The following IFT88 variants were observed in gnomAD, a reference collection of about 807,000 sequenced individuals.
The protein encoded by IFT88 is intraflagellar transport 88.
Under a neutral mutation model 119.5 loss-of-function variants are expected in IFT88, and 74 were observed. The ratio of observed to expected loss-of-function variants is 0.62; its 90% confidence interval spans 0.51 to 0.75. IFT88 has a LOEUF of 0.75. Among genes scored for constraint, IFT88 ranks in the 30% least tolerant of loss-of-function variants. IFT88 has a pLI of 0.00. For missense variants in IFT88, 961 were observed against 977.7 expected, an observed-to-expected ratio of 0.98 and a Z score of 0.23; for synonymous variants, 279 against 316.7, an observed-to-expected ratio of 0.88 and a Z score of 1.26.
intron 14 of IFT88, among the ~76,000 whole-genome samples, chr13:20,621,526 T>TAAAAAAAAAAAAAAAAAAAAAAAAAAAAA: frequency 7.6e-6 from 1 of 130,744 alleles, no homozygotes; most frequent in Non-Finnish European, 1.6e-5. Flanking sequence ...CCTGCTGAGA[T>TAAAAAAAAAAAAAAAAAAAAAAAAAAAAA]AAAAAAAAAA....
intron 1 of IFT88, among the ~76,000 whole-genome samples, chr13:20,573,650 T>TA (rs1320921463): frequency 6.6e-6 from 1 of 152,266 alleles, no homozygotes; most frequent in Non-Finnish European, 1.5e-5. Flanking sequence ...TGTATCATTT[T>TA]ACACTCCCAT....
intron 2 of IFT88, among the ~76,000 whole-genome samples, chr13:20,576,115 G>A (rs984742676): frequency 6.6e-6 from 1 of 152,182 alleles, no homozygotes; most frequent in Non-Finnish European, 1.5e-5. Flanking sequence ...TTTCTCTGAT[G>A]GTCAATAATG....
chr13:20,657,309 T>C (rs1238624997), intron 22 of IFT88, among the ~76,000 whole-genome samples: 1 of 152,228 alleles, frequency 6.6e-6, no homozygotes, highest in Non-Finnish European at 1.5e-5. Flanking sequence ...TGAAGTATTA[T>C]GGCAGTAACA....
Position 20,580,473 on chromosome 13 carries a change from C to T in IFT88, c.91-2484C>T, listed in dbSNP as rs1331603024. On this transcript the variant is annotated intron_variant, in intron 2 of 25. Transcript: ENST00000351808. ...TGGAGGTGGCAGTGAGCCAAGATCA[C>T]GCCATTGCACAATGAGCCAAGATCA... Among the ~76,000 whole-genome samples the T allele has an allele frequency of 4.6e-5, 7 of 151,774 alleles. No individual in the cohort carries two copies. The East Asian group carries it at 6.1e-4, about 13-fold the overall frequency.
intron 3 of IFT88, among the ~76,000 whole-genome samples, chr13:20,586,298 A>G (rs1184766982): frequency 6.6e-6 from 1 of 152,216 alleles, no homozygotes; most frequent in Non-Finnish European, 1.5e-5. Context: ...TTACAGGTTC[A>G]CTTAAGAGGA....
At chr13:20,657,895 G>A (rs1386929441) in intron 22 of IFT88, among the ~76,000 whole-genome samples, 2 of 152,170 alleles carry the variant, frequency 1.3e-5, no homozygotes, top group Admixed American at 6.5e-5. Flanking sequence ...AGGATTAGAT[G>A]TACTACGTGT....
At chr13:20,665,825 G>A (rs370110708) in intron 23 of IFT88, among the ~76,000 whole-genome samples, 38 of 152,178 alleles carry the variant, frequency 2.5e-4, no homozygotes, top group South Asian at 8.3e-4. Context: ...TCTTTGCTCC[G>A]AGAGGAGGTA....
Position 20,582,974 on chromosome 13 carries a change from A to G in IFT88, c.108A>G (p.Ala36=). 6.2e-7 allele frequency: 1 copy of G among 1,612,756 alleles called. No homozygotes were observed. The highest frequency in any genetic ancestry group is 1.7e-5 in the Admixed American group (1 of 59,874). The change falls in exon 3 of 26, where the codon GCA becomes GCG. Residue 36 remains alanine, a synonymous_variant. Coordinates refer to ENST00000351808, the MANE Select transcript of IFT88 (RefSeq NM_006531.5). ...CATTTTAGGAATTGGAGAATGATGC[A>G]GCTTTTCAGCAAGCTGTGAGGACTA... ...IYDIEELEND[A]AFQQAVRTSH...
At chr13:20,645,381 C>T (rs569398792) in intron 20 of IFT88, among the ~76,000 whole-genome samples, 29 of 152,212 alleles carry the variant, frequency 1.9e-4, no homozygotes, top group African/African-American at 2.2e-4. Context: ...TGAGCCACCG[C>T]GCCCAGCCAA....
chr13:20,669,325 C>A (rs188480331), intron 23 of IFT88, among the ~76,000 whole-genome samples: 8 of 152,270 alleles, frequency 5.3e-5, no homozygotes, highest in South Asian at 4.1e-4. Context: ...ATATCCTGTT[C>A]TGAACCTCTA....
At chr13:20,678,105 T>C (rs1181684322) in intron 24 of IFT88, among the ~76,000 whole-genome samples, 1 of 152,196 alleles carries the variant, frequency 6.6e-6, no homozygotes, top group Non-Finnish European at 1.5e-5. Flanking sequence ...GCAGTCTCAG[T>C]GTACTGTTAG....
chr13:20,649,808 G>C (rs2051327195), intron 20 of IFT88, among the ~76,000 whole-genome samples: 1 of 151,948 alleles, frequency 6.6e-6, no homozygotes, highest in Admixed American at 6.6e-5. Flanking sequence ...TGCAAGTAGA[G>C]GCCTCACTAC....
chr13:20,657,208 C>T (rs1182905112), intron 22 of IFT88, among the ~76,000 whole-genome samples: 1 of 152,126 alleles, frequency 6.6e-6, no homozygotes, highest in Non-Finnish European at 1.5e-5. Context: ...TAATATGCTG[C>T]GTACTCAGTT....
intron 24 of IFT88, among the ~76,000 whole-genome samples, chr13:20,682,311 T>C (rs2057413484): frequency 6.6e-6 from 1 of 152,248 alleles, no homozygotes; most frequent in South Asian, 2.1e-4. Context: ...CTAAAGTCTT[T>C]GTTGGATCTA....
intron 16 of IFT88, among the ~76,000 whole-genome samples, chr13:20,634,431 A>T (rs1367036800): frequency 1.3e-5 from 2 of 152,108 alleles, no homozygotes; most frequent in African/African-American, 2.4e-5. Flanking sequence ...CTAGCTGGGT[A>T]TGGTGGCTCA....
intron 2 of IFT88, among the ~76,000 whole-genome samples, chr13:20,576,243 T>G (rs1382248704): frequency 6.6e-6 from 1 of 152,252 alleles, no homozygotes; most frequent in East Asian, 1.9e-4. Flanking sequence ...CAGAGTTGTT[T>G]GAGTTCCTTA....
chr13:20,602,692 G>T (rs1340925864), intron 12 of IFT88, among the ~76,000 whole-genome samples: 2 of 152,130 alleles, frequency 1.3e-5, no homozygotes, highest in Non-Finnish European at 2.9e-5. Flanking sequence ...AGACCAGCCT[G>T]ACCAACAGGG....
chr13:20,581,984 T>A (rs2038764950), intron 2 of IFT88, among the ~76,000 whole-genome samples: 3 of 152,232 alleles, frequency 2.0e-5, no homozygotes, highest in Non-Finnish European at 4.4e-5. Context: ...TTCAAATTTT[T>A]AAAAAGTTAA....
Position 20,571,020 on chromosome 13 carries a change from GT to G in IFT88, c.-6-3359del, listed in dbSNP as rs1196587969. Among the ~76,000 whole-genome samples, 27 of 151,960 alleles carry G rather than the reference GT, an allele frequency of 1.8e-4. 1 individual carries two copies. The highest frequency in any genetic ancestry group is 5.9e-5 in the Non-Finnish European group (4 of 67,988). ...TTATTTATTTATTTTTTGAGACAGA[GT>G]CTGGCTCTGTCGCCTAGGCAGGGGT... On this transcript the variant is annotated intron_variant, in intron 1 of 25. Coordinates refer to ENST00000351808, the MANE Select transcript of IFT88 (RefSeq NM_006531.5).
Sources: allele counts gnomAD v4.1 joint callset (sites outside exome capture counted in the v4.1 genomes callset), GRCh38; gene constraint gnomAD v4.1.1; transcripts MANE v1.5; gene names NCBI Gene and HGNC (gene_info 2026-07-23, HGNC 2026-07-21).